Variants in EBF1 observed in about 807,000 individuals in gnomAD.
The protein encoded by EBF1 is EBF transcription factor 1.
A neutral mutation model predicts 68.4 loss-of-function variants in EBF1; 10 were observed. That is an observed-to-expected ratio of 0.15 (90% CI 0.09 to 0.25). EBF1 has a LOEUF of 0.25. Ranked by LOEUF, EBF1 falls within the 10% of genes least tolerant of loss-of-function variation. The pLI is 1.00. For missense variants in EBF1, 509 were observed against 794.4 expected, an observed-to-expected ratio of 0.64 and a Z score of 4.32; for synonymous variants, 298 against 299.8, an observed-to-expected ratio of 0.99 and a Z score of 0.06.
intron 6 of EBF1, among the ~76,000 whole-genome samples, chr5:158,952,103 C>A (rs1477370020): frequency 2.0e-5 from 3 of 152,198 alleles, no homozygotes; most frequent in African/African-American, 4.8e-5. Flanking sequence ...GAGCTCCAGG[C>A]AGGGCCAGGC....
At chr5:158,911,469 T>TA (rs1805962447) in intron 6 of EBF1, among the ~76,000 whole-genome samples, 1 of 152,178 alleles carries the variant, frequency 6.6e-6, no homozygotes, top group African/African-American at 2.4e-5. Context: ...GGTTTTTTTT[T>TA]AGTTTTGTTT....
intron 6 of EBF1, among the ~76,000 whole-genome samples, chr5:158,914,381 AG>A (rs1314291860): frequency 2.0e-5 from 3 of 152,152 alleles, no homozygotes; most frequent in African/African-American, 4.8e-5. Flanking sequence ...TGTCTCAGAC[AG>A]GTTCATTTTT....
chr5:158,868,525 G>A (rs766505193), intron 6 of EBF1, among the ~76,000 whole-genome samples: 18 of 152,122 alleles, frequency 1.2e-4, no homozygotes, highest in African/African-American at 2.9e-4. Flanking sequence ...CACCCTTCAC[G>A]TCCCCTAATA....
chr5:159,089,065 T>A (rs2127992285), intron 4 of EBF1, among the ~76,000 whole-genome samples: 1 of 152,260 alleles, frequency 6.6e-6, no homozygotes, highest in East Asian at 1.9e-4. Flanking sequence ...TGGATATATT[T>A]GGAACAGATT....
At chr5:158,921,904 A>C (rs4130208) in intron 6 of EBF1, among the ~76,000 whole-genome samples, 54,976 of 152,076 alleles carry the variant, frequency 0.36, 11,918 homozygotes, top group East Asian at 0.69. Flanking sequence ...TCTTTGGTTT[A>C]TTGAACCTGT....
chr5:158,781,876 C>T (rs1430706187), intron 9 of EBF1, among the ~76,000 whole-genome samples: 1 of 152,146 alleles, frequency 6.6e-6, no homozygotes, highest in African/African-American at 2.4e-5. Flanking sequence ...AATACAATCT[C>T]ATCATATTAT....
chr5:158,917,190 C>A (rs1421259896), intron 6 of EBF1, among the ~76,000 whole-genome samples: 1 of 152,114 alleles, frequency 6.6e-6, no homozygotes, highest in Non-Finnish European at 1.5e-5. Flanking sequence ...GCCTATTATA[C>A]CTAAATAAAA....
At chr5:159,027,478 C>T (rs969086474) in intron 6 of EBF1, among the ~76,000 whole-genome samples, 1 of 152,206 alleles carries the variant, frequency 6.6e-6, no homozygotes, top group Non-Finnish European at 1.5e-5. Context: ...TCATTATTTT[C>T]TGTCTTTCTT....
At chr5:158,847,886 A>G (rs1306481959) in intron 6 of EBF1, among the ~76,000 whole-genome samples, 1 of 152,222 alleles carries the variant, frequency 6.6e-6, no homozygotes, top group African/African-American at 2.4e-5. Flanking sequence ...AGGTATCAGG[A>G]CTTGCACTTC....
At chr5:159,083,557 G>T (rs753140087) in intron 5 of EBF1, among the ~76,000 whole-genome samples, 1 of 152,104 alleles carries the variant, frequency 6.6e-6, no homozygotes, top group Non-Finnish European at 1.5e-5. Flanking sequence ...ATATCCATAC[G>T]TAACTGTAGA....
chr5:159,045,770 A>G (rs1451433170), intron 6 of EBF1, among the ~76,000 whole-genome samples: 1 of 152,236 alleles, frequency 6.6e-6, no homozygotes, highest in African/African-American at 2.4e-5. Context: ...AAACTGCAGG[A>G]GCTTGAGATA....
At chr5:158,729,976 G>T (rs558162819) in intron 11 of EBF1, among the ~76,000 whole-genome samples, 1 of 152,184 alleles carries the variant, frequency 6.6e-6, no homozygotes, top group Non-Finnish European at 1.5e-5. Flanking sequence ...GCCAGCACAC[G>T]GGTAGGATTT....
intron 6 of EBF1, among the ~76,000 whole-genome samples, chr5:158,855,481 C>T (rs1411445766): frequency 3.3e-5 from 5 of 152,184 alleles, no homozygotes; most frequent in African/African-American, 7.2e-5. Flanking sequence ...ATGGGGGCTA[C>T]TTTTCACATC....
chr5:158,977,116 A>C (rs1483652235), intron 6 of EBF1, among the ~76,000 whole-genome samples: 1 of 152,140 alleles, frequency 6.6e-6, no homozygotes, highest in Non-Finnish European at 1.5e-5. Context: ...CTATCATGGA[A>C]CCAGAGTGAA....
At chr5:159,066,699 A>C (rs375857880) in intron 6 of EBF1, among the ~76,000 whole-genome samples, 1 of 152,218 alleles carries the variant, frequency 6.6e-6, no homozygotes, top group African/African-American at 2.4e-5. Context: ...AAATTCTATT[A>C]GAATAAGTAC....
chr5:158,727,155 C>G (rs1347196194), intron 11 of EBF1, among the ~76,000 whole-genome samples: 1 of 152,226 alleles, frequency 6.6e-6, no homozygotes, highest in Non-Finnish European at 1.5e-5. Flanking sequence ...CCTCTATGAT[C>G]TTCGAAAACC....
chr5:159,010,505 A>C (rs1475428647), intron 6 of EBF1, among the ~76,000 whole-genome samples: 1 of 152,176 alleles, frequency 6.6e-6, no homozygotes, highest in African/African-American at 2.4e-5. Flanking sequence ...AAGCATGACT[A>C]GTTTGCATCT....
At chr5:158,746,939 G>C (rs977720855) in intron 10 of EBF1, among the ~76,000 whole-genome samples, 3 of 152,144 alleles carry the variant, frequency 2.0e-5, no homozygotes, top group African/African-American at 7.2e-5. Flanking sequence ...AAATATACTG[G>C]ATTGCATTTT....
At chr5:158,932,152 C>T (rs893315954) in intron 6 of EBF1, among the ~76,000 whole-genome samples, 1 of 152,072 alleles carries the variant, frequency 6.6e-6, no homozygotes, top group Non-Finnish European at 1.5e-5. Flanking sequence ...ATCCTTTGAG[C>T]CTGTAATTGC....
Sources: allele counts gnomAD v4.1 joint callset (sites outside exome capture counted in the v4.1 genomes callset), GRCh38; gene constraint gnomAD v4.1.1; transcripts MANE v1.5; gene names NCBI Gene and HGNC (gene_info 2026-07-23, HGNC 2026-07-21).